PPARGC1A: variants seen among roughly 807,000 people sequenced by gnomAD.
PPARGC1A encodes the protein peroxisome proliferator-activated receptor gamma coactivator 1-alpha.
Under a neutral mutation model 88.7 loss-of-function variants are expected in PPARGC1A, and 25 were observed. That is an observed-to-expected ratio of 0.28 (90% confidence interval 0.21 to 0.39). The LOEUF (loss-of-function observed/expected upper bound fraction) is 0.39, where lower values mean the gene tolerates loss of function less well. PPARGC1A is among the 10% of genes least tolerant of loss of function. The probability of loss-of-function intolerance (pLI) is 1.00; values close to 1 mark genes in which losing one functional copy is unlikely to be tolerated. For synonymous variants in PPARGC1A, 363 were observed against 355.6 expected (o/e 1.02, Z -0.24); for missense variants, 880 against 968.7 (o/e 0.91, Z 1.22).
the PPARGC1A span, among the ~76,000 whole-genome samples, chr4:24,456,034 T>A: frequency 6.6e-6 from 1 of 152,192 alleles, no homozygotes; most frequent in Non-Finnish European, 1.5e-5. Flanking sequence ...AATGTCACAC[T>A]CATGCTGATT....
At chr4:24,360,771 T>C in the PPARGC1A span, among the ~76,000 whole-genome samples, 5 of 152,170 alleles carry the variant, frequency 3.3e-5, no homozygotes, top group African/African-American at 1.2e-4. Flanking sequence ...ATCTAACCCA[T>C]AGGTAATGCA....
Position 23,820,575 on chromosome 4 carries a change from G to T in PPARGC1A, c.877+3705C>A, listed in dbSNP as rs778390134. The T allele has an allele frequency of 1.9e-5, 8 of 416,766 alleles. 1 individual carries two copies. The highest frequency in any genetic ancestry group is 1.4e-4 in the South Asian group (8 of 58,046). 25.8% of individuals were successfully genotyped at this position (416,766 alleles called of 1,614,324 possible). ...GATTTAAATGCCTTCTGCCAAAAGA[G>T]CATTCTCTTTTCTCTCATCTTGCTT... On this transcript the variant is annotated intron_variant, in intron 7 of 12. Coordinates refer to ENST00000264867, the MANE Select transcript of PPARGC1A (RefSeq NM_013261.5).
the PPARGC1A span, among the ~76,000 whole-genome samples, chr4:24,374,756 A>T: frequency 6.6e-6 from 1 of 152,134 alleles, no homozygotes; most frequent in Non-Finnish European, 1.5e-5. Flanking sequence ...GTTGGCAAGG[A>T]TGTGAATAAA....
At chr4:24,369,374 C>T in the PPARGC1A span, among the ~76,000 whole-genome samples, 1 of 152,060 alleles carries the variant, frequency 6.6e-6, no homozygotes, top group East Asian at 1.9e-4. Context: ...ACCGATAAGG[C>T]CAAGGAGTTG....
At chr4:24,314,662 G>C in the PPARGC1A span, among the ~76,000 whole-genome samples, 1 of 152,080 alleles carries the variant, frequency 6.6e-6, no homozygotes, top group African/African-American at 2.4e-5. Context: ...GATCAATTCT[G>C]GATGGTGATA....
the PPARGC1A span, among the ~76,000 whole-genome samples, chr4:23,909,354 T>C: frequency 2.6e-5 from 4 of 152,220 alleles, no homozygotes; most frequent in Non-Finnish European, 5.9e-5. Flanking sequence ...ACGTTGGGCT[T>C]GTGCATTGCT....
At chr4:23,893,507 C>CA (rs1300758834), upstream of PPARGC1A, among the ~76,000 whole-genome samples, 1 of 152,000 alleles carries the variant, frequency 6.6e-6, no homozygotes, top group African/African-American at 2.4e-5. Context: ...ATAAAACAAA[C>CA]AAAAAACTAC....
chr4:24,281,753 C>T, the PPARGC1A span, among the ~76,000 whole-genome samples: 7 of 152,016 alleles, frequency 4.6e-5, no homozygotes, highest in East Asian at 1.9e-4. Flanking sequence ...GTTTCTTCCC[C>T]CCCACCCCCA....
At chr4:23,985,658 G>C in the PPARGC1A span, among the ~76,000 whole-genome samples, 1 of 151,796 alleles carries the variant, frequency 6.6e-6, no homozygotes, top group Non-Finnish European at 1.5e-5. Context: ...TGACAATGGA[G>C]CAAAACAAAA....
chr4:23,812,442 GAACA>G (rs1211278738), intron 10 of PPARGC1A, among the ~76,000 whole-genome samples: 3 of 151,844 alleles, frequency 2.0e-5, no homozygotes, highest in Admixed American at 1.3e-4. Flanking sequence ...TGATCAGAAA[GAACA>G]AATATCTGAC....
chr4:23,875,252 C>T (rs912378505), intron 2 of PPARGC1A, among the ~76,000 whole-genome samples: 1 of 152,040 alleles, frequency 6.6e-6, no homozygotes, highest in African/African-American at 2.4e-5. Context: ...ATTAGTTCTC[C>T]AGGATGTTCT....
At chr4:24,102,937 A>C in the PPARGC1A span, among the ~76,000 whole-genome samples, 1 of 152,310 alleles carries the variant, frequency 6.6e-6, no homozygotes, top group East Asian at 1.9e-4. Flanking sequence ...AATTAAGCCA[A>C]GTCTGCCCTG....
Position 23,792,122 on chromosome 4 carries a change from C to T in PPARGC1A, c.*3700G>A, listed in dbSNP as rs1470809136. On this transcript the variant is annotated 3_prime_UTR_variant, in exon 13 of 13. Transcript: ENST00000264867. The stretch of plus-strand genomic sequence containing the variant: ...AATTTTCATACAATGAATAAAACCA[C>T]AACAATACATGTAGAATTGGCAGGT... 1 of 152,328 alleles carries T rather than the reference C, an allele frequency of 6.6e-6. No homozygotes were observed. The highest frequency in any genetic ancestry group is 1.5e-5 in the Non-Finnish European group (1 of 67,884). The allele number at this position is 152,328 out of a possible 1,614,324, so 9.4% of individuals were successfully genotyped here.
the PPARGC1A span, among the ~76,000 whole-genome samples, chr4:23,965,315 G>A: frequency 3.3e-5 from 5 of 152,286 alleles, no homozygotes; most frequent in East Asian, 7.7e-4. Context: ...AAAATTTATT[G>A]ATGGCAGAGT....
chr4:23,905,479 G>A (rs762769829), upstream of PPARGC1A, among the ~76,000 whole-genome samples: 2 of 152,144 alleles, frequency 1.3e-5, no homozygotes, highest in Non-Finnish European at 2.9e-5. Context: ...AATGAAGTCA[G>A]GTCCTCTTTT....
At chr4:23,936,081 A>G in the PPARGC1A span, among the ~76,000 whole-genome samples, 2 of 152,344 alleles carry the variant, frequency 1.3e-5, no homozygotes, top group South Asian at 4.1e-4. Context: ...AAAAAAGTTT[A>G]ATCAATTTTA....
At chr4:23,893,249 G>A (rs1189869690), upstream of PPARGC1A, among the ~76,000 whole-genome samples, 1 of 151,666 alleles carries the variant, frequency 6.6e-6, no homozygotes, top group Non-Finnish European at 1.5e-5. Context: ...ATAACATTTG[G>A]GTTTCCTTCC....
the PPARGC1A span, among the ~76,000 whole-genome samples, chr4:24,232,739 G>A: frequency 6.6e-6 from 1 of 152,190 alleles, no homozygotes; most frequent in Non-Finnish European, 1.5e-5. Flanking sequence ...CTGATTAGAA[G>A]ATACCCACAG....
rs11290186 is a variant in PPARGC1A, at chr4:23,814,619, T to TAAA, written c.878-17_878-15dup. ...GTGGAGTTAGGCCTAAGGCAAAAAT[T>TAAA]AAAAAAAAAAAAAAAAAGAGAGAGA... On this transcript the variant is annotated splice_polypyrimidine_tract_variant and intron_variant, in intron 7 of 12. Transcript: ENST00000264867. 2.5e-5 allele frequency: 29 copies of TAAA among 1,181,164 alleles called. No individual in the cohort carries two copies. Among genetic ancestry groups the TAAA allele is most frequent in the East Asian group, 8.2e-5 (3 of 36,458 alleles). 73.2% of individuals were successfully genotyped at this position (1,181,164 alleles called of 1,614,324 possible).
Sources: allele counts gnomAD v4.1 joint callset (sites outside exome capture counted in the v4.1 genomes callset), GRCh38; gene constraint gnomAD v4.1.1; transcripts MANE v1.5; gene names NCBI Gene and HGNC (gene_info 2026-07-23, HGNC 2026-07-21).